The following MTG2 variants were observed in gnomAD, a reference collection of about 807,000 sequenced individuals.
MTG2 encodes the protein mitochondrial ribosome associated GTPase 2.
Under a neutral mutation model 28.6 loss-of-function variants are expected in MTG2, and 23 were observed. The observed-to-expected ratio is 0.80, with a 90% CI of 0.58 to 1.14. The LOEUF is 1.14. Ranked by LOEUF, MTG2 falls within the 50% of genes most tolerant of loss-of-function variation. MTG2 has a pLI of 0.00. For synonymous variants in MTG2, 260 were observed against 251.8 expected, an observed-to-expected ratio of 1.03 and a Z score of -0.31; for missense variants, 539 against 552.0, an observed-to-expected ratio of 0.98 and a Z score of 0.24.
chr20:62,187,156 G>C (rs1217651239), intron 1 of MTG2, among the ~76,000 whole-genome samples: 1 of 152,178 alleles, frequency 6.6e-6, no homozygotes, highest in Non-Finnish European at 1.5e-5. Flanking sequence ...GAAGTGCCTG[G>C]GCTGAGTTTT....
intron 6 of MTG2, 129 bp from the exon 7 acceptor site, chr20:62,200,554 G>T: frequency 8.6e-7 from 1 of 1,162,146 alleles, no homozygotes; most frequent in Non-Finnish European, 1.2e-6. Context: ...TGAAAGGAAA[G>T]TGTTAGAACT....
rs974160662 is a variant in MTG2, at chr20:62,201,555, C to T, written c.*478C>T. ...ATCCACACTGGGGCTGCGTCTGGCC[C>T]GTTGTCCAGCAGCCCTGCGGTACCG... On this transcript the variant is annotated 3_prime_UTR_variant, in exon 7 of 7. Transcript: ENST00000370823. 3 of 154,296 alleles carry T rather than the reference C, an allele frequency of 1.9e-5. No individual in the cohort carries two copies. Among genetic ancestry groups the T allele is most frequent in the Non-Finnish European group, 2.9e-5 (2 of 69,714 alleles). 9.6% of individuals were successfully genotyped at this position (154,296 alleles called of 1,614,324 possible). A position where few individuals can be genotyped will look rare whatever the true frequency, so the allele number is the denominator to read the frequency against.
intron 3 of MTG2, chr20:62,197,572 G>T: frequency 5.7e-6 from 2 of 349,374 alleles, no homozygotes; most frequent in South Asian, 2.6e-5. Flanking sequence ...CAGCATAGAC[G>T]CATAGCGAGC....
chr20:62,189,534 G>T (rs894096378), intron 1 of MTG2, among the ~76,000 whole-genome samples: 1 of 151,646 alleles, frequency 6.6e-6, no homozygotes, highest in African/African-American at 2.4e-5. Flanking sequence ...CGAACTCATG[G>T]CTTCAAGAGA....
chr20:62,185,305 G>A (rs781043634), intron 1 of MTG2, among the ~76,000 whole-genome samples: 5 of 152,038 alleles, frequency 3.3e-5, no homozygotes, highest in South Asian at 2.1e-4. Context: ...CCAGCTACTC[G>A]GGAGGTTGAG....
At chr20:62,199,521 C>T (rs1306085984) in intron 6 of MTG2, among the ~76,000 whole-genome samples, 5 of 151,368 alleles carry the variant, frequency 3.3e-5, no homozygotes, top group Non-Finnish European at 7.4e-5. Flanking sequence ...TGGCGGGCAC[C>T]TGTAGTCCCA....
At chr20:62,189,664 C>CCTTTT (rs750430757) in intron 1 of MTG2, among the ~76,000 whole-genome samples, 2 of 113,650 alleles carry the variant, frequency 1.8e-5, no homozygotes. Flanking sequence ...TAAACATTAA[C>CCTTTT]TTTTTTTTTT....
chr20:62,198,980 C>T, intron 5 of MTG2, 128 bp downstream of exon 5: 1 of 1,526,666 alleles, frequency 6.6e-7, no homozygotes, highest in Non-Finnish European at 9.0e-7. Flanking sequence ...CATCAGTACA[C>T]TGCTGACTTG....
chr20:62,184,535 A>G (rs1568779425), intron 1 of MTG2, among the ~76,000 whole-genome samples: 1 of 152,214 alleles, frequency 6.6e-6, no homozygotes, highest in Non-Finnish European at 1.5e-5. Context: ...GGAAGGCAGC[A>G]GTGATCGGGA....
intron 1 of MTG2, among the ~76,000 whole-genome samples, chr20:62,192,236 TC>T (rs1161586269): frequency 2.0e-5 from 3 of 152,210 alleles, no homozygotes; most frequent in African/African-American, 7.2e-5. Flanking sequence ...CATTGGGAGT[TC>T]CTACGACCCC....
At chr20:62,188,263 T>G (rs1272905644) in intron 1 of MTG2, among the ~76,000 whole-genome samples, 1 of 152,200 alleles carries the variant, frequency 6.6e-6, no homozygotes. Flanking sequence ...TGCAGGTATT[T>G]GGGATTTTCC....
In MTG2 at chr20:62,201,396, G is replaced by A. The variant is rs1248856374; in HGVS notation, c.*319G>A. ...GGCCCTGCCGCTGACTCAGGTCTCC[G>A]CCATGCACGCGTGGACTCTCGGATG... On this transcript the variant is annotated 3_prime_UTR_variant, in exon 7 of 7. Transcript: ENST00000370823. 5 of 361,522 alleles carry A rather than the reference G, an allele frequency of 1.4e-5. No homozygotes were observed. Among genetic ancestry groups the A allele is most frequent in the African/African-American group, 4.2e-5 (2 of 48,120 alleles). 22.4% of individuals were successfully genotyped at this position (361,522 alleles called of 1,614,324 possible).
At chr20:62,189,304 CA>C (rs57267780) in intron 1 of MTG2, among the ~76,000 whole-genome samples, 24,624 of 132,578 alleles carry the variant, frequency 0.19, 1,987 homozygotes, top group African/African-American at 0.21. Flanking sequence ...GACTCTGTCT[CA>C]AAAAAAAAAA....
intron 3 of MTG2, among the ~76,000 whole-genome samples, chr20:62,196,895 G>T (rs1032433726): frequency 1.3e-5 from 2 of 151,840 alleles, no homozygotes; most frequent in African/African-American, 4.8e-5. Context: ...AGCTGGGCGT[G>T]GTGGTGGGCA....
At chr20:62,184,546 C>G (rs2057801334) in intron 1 of MTG2, among the ~76,000 whole-genome samples, 1 of 152,168 alleles carries the variant, frequency 6.6e-6, no homozygotes, top group Non-Finnish European at 1.5e-5. Flanking sequence ...GTGATCGGGA[C>G]AGGGAGAAGA....
chr20:62,195,243 C>G (rs150201120), intron 2 of MTG2, among the ~76,000 whole-genome samples: 21 of 152,292 alleles, frequency 1.4e-4, no homozygotes, highest in African/African-American at 5.1e-4. Flanking sequence ...GCGAGGGGCT[C>G]TGTTTGCCTC....
intron 1 of MTG2, among the ~76,000 whole-genome samples, 189 bp downstream of exon 1, chr20:62,183,246 T>G (rs1412634160): frequency 6.6e-6 from 1 of 151,882 alleles, no homozygotes; most frequent in Non-Finnish European, 1.5e-5. Context: ...GCTGCGGCCC[T>G]GGAGTAGCGA....
At chr20:62,194,550 A>G (rs180827083) in intron 2 of MTG2, among the ~76,000 whole-genome samples, 1 of 152,394 alleles carries the variant, frequency 6.6e-6, no homozygotes, top group East Asian at 1.9e-4. Flanking sequence ...TGGTGGTGCC[A>G]AAGAATCTTA....
chr20:62,184,768 A>G (rs1453016878), intron 1 of MTG2, among the ~76,000 whole-genome samples: 1 of 152,212 alleles, frequency 6.6e-6, no homozygotes, highest in Non-Finnish European at 1.5e-5. Context: ...ATAGCTCGGC[A>G]TGCAGTATTA....
Sources: allele counts gnomAD v4.1 joint callset (sites outside exome capture counted in the v4.1 genomes callset), GRCh38; gene constraint gnomAD v4.1.1; transcripts MANE v1.5; gene names NCBI Gene and HGNC (gene_info 2026-07-23, HGNC 2026-07-21).